The following RIMKLB variants were observed in gnomAD, a reference collection of about 807,000 sequenced individuals.
RIMKLB encodes the protein ribosomal modification protein rimK like family member B.
Under a neutral mutation model 32.0 loss-of-function variants are expected in RIMKLB, and 7 were observed. That is an observed-to-expected ratio of 0.22 (90% CI 0.12 to 0.41). RIMKLB has a LOEUF of 0.41. Ranked by LOEUF, RIMKLB falls within the 10% of genes least tolerant of loss-of-function variation. RIMKLB has a pLI of 1.00. For synonymous variants in RIMKLB, 172 were observed against 185.1 expected, an observed-to-expected ratio of 0.93 and a Z score of 0.57; for missense variants, 289 against 498.7, an observed-to-expected ratio of 0.58 and a Z score of 4.00.
chr12:8,776,073 T>C lies in RIMKLB; in HGVS notation c.*2289T>C. 2 of 979,530 alleles carry C rather than the reference T, an allele frequency of 2.0e-6. No individual in the cohort carries two copies. The highest frequency in any genetic ancestry group is 2.4e-6 in the Non-Finnish European group (2 of 824,536). The allele number at this position is 979,530 out of a possible 1,614,324, so 60.7% of individuals were successfully genotyped here. On this transcript the variant is annotated 3_prime_UTR_variant, in exon 6 of 6. Coordinates refer to ENST00000535829, the MANE Select transcript of RIMKLB (RefSeq NM_001297776.2). ...GACCATCTGGTTGCCATGTGTATTA[T>C]GACACATACACTTTGAATAGTTACA...
intron 5 of RIMKLB, 103 bp from the exon 6 acceptor site, chr12:8,773,218 T>A: frequency 1.3e-6 from 1 of 792,256 alleles, no homozygotes; most frequent in Non-Finnish European, 2.1e-6. Flanking sequence ...CGCCTTTGTT[T>A]TCACTATTAA....
chr12:8,765,502 A>G (rs777887544), intron 5 of RIMKLB, among the ~76,000 whole-genome samples: 2 of 152,280 alleles, frequency 1.3e-5, no homozygotes, highest in East Asian at 1.9e-4. Flanking sequence ...GTAACATTAT[A>G]TCTCTCCATG....
intron 2 of RIMKLB, chr12:8,742,784 G>T: frequency 9.0e-6 from 2 of 221,172 alleles, no homozygotes; most frequent in South Asian, 7.4e-5. Context: ...AGCTTTCCAG[G>T]AGCTGTGCCT....
At chr12:8,749,251 A>G (rs1948423300) in intron 2 of RIMKLB, among the ~76,000 whole-genome samples, 1 of 147,342 alleles carries the variant, frequency 6.8e-6, no homozygotes, top group South Asian at 2.1e-4. Context: ...TCTCTGTGTC[A>G]CCAGGCTGGA....
chr12:8,685,440 T>G (rs975959232), intron 1 of RIMKLB, among the ~76,000 whole-genome samples: 1 of 152,222 alleles, frequency 6.6e-6, no homozygotes, highest in Admixed American at 6.5e-5. Context: ...CAGCATCTAT[T>G]GGTATGATCA....
intron 2 of RIMKLB, among the ~76,000 whole-genome samples, chr12:8,732,915 A>G (rs1417828839): frequency 6.6e-6 from 1 of 152,186 alleles, no homozygotes; most frequent in African/African-American, 2.4e-5. Context: ...TAGTTGAGGT[A>G]TAATTCATAC....
intron 2 of RIMKLB, among the ~76,000 whole-genome samples, chr12:8,716,725 CTTTTTTTTTTT>C (rs71451981): frequency 2.9e-4 from 28 of 95,160 alleles, no homozygotes; most frequent in Non-Finnish European, 4.5e-4. Flanking sequence ...TCTTTTCCTT[CTTTTTTTTTTT>C]TTTTTTTTTT....
downstream of RIMKLB, among the ~76,000 whole-genome samples, chr12:8,781,895 G>GT (rs1951081950): frequency 6.6e-6 from 1 of 151,624 alleles, no homozygotes; most frequent in African/African-American, 2.4e-5. Flanking sequence ...ATGCAGACCT[G>GT]TTTATTCACC....
intron 2 of RIMKLB, among the ~76,000 whole-genome samples, chr12:8,732,932 C>A (rs765630663): frequency 6.6e-6 from 1 of 152,236 alleles, no homozygotes; most frequent in South Asian, 2.1e-4. Context: ...ATACAATATA[C>A]CGCATAGGTC....
chr12:8,777,215 CTTTTTTTTTTTTT>C (rs35828763), downstream of RIMKLB: 13 of 703,902 alleles, frequency 1.8e-5, no homozygotes, highest in South Asian at 7.0e-5. Context: ...TGCTTGCTTT[CTTTTTTTTTTTTT>C]TTTTTTTTTT....
chr12:8,771,043 C>T (rs1950356564), intron 5 of RIMKLB, among the ~76,000 whole-genome samples: 1 of 152,122 alleles, frequency 6.6e-6, no homozygotes, highest in African/African-American at 2.4e-5. Flanking sequence ...GCTTCCATGC[C>T]CTCCCACGGC....
chr12:8,764,932 G>GC (rs762699389), intron 5 of RIMKLB, among the ~76,000 whole-genome samples: 120 of 150,584 alleles, frequency 8.0e-4, no homozygotes, highest in African/African-American at 2.8e-3. Context: ...CATGACTAAA[G>GC]CAGTGGCCTT....
intron 1 of RIMKLB, among the ~76,000 whole-genome samples, chr12:8,703,992 T>C (rs1943634072): frequency 6.6e-6 from 1 of 152,244 alleles, no homozygotes; most frequent in African/African-American, 2.4e-5. Context: ...GGGTCTACTA[T>C]TGTGATATCT....
At chr12:8,778,516 A>G (rs1950864634), downstream of RIMKLB, among the ~76,000 whole-genome samples, 1 of 152,204 alleles carries the variant, frequency 6.6e-6, no homozygotes. Flanking sequence ...AACAGATAGG[A>G]GGACATTTCT....
downstream of RIMKLB, chr12:8,779,866 C>G (rs1950931510): frequency 6.6e-6 from 1 of 151,858 alleles, no homozygotes; most frequent in Non-Finnish European, 1.5e-5. Context: ...ATTTGTCATT[C>G]TGTCTCCCCT....
chr12:8,734,113 G>C (rs1045891959), intron 2 of RIMKLB, among the ~76,000 whole-genome samples: 2 of 152,170 alleles, frequency 1.3e-5, no homozygotes, highest in Non-Finnish European at 2.9e-5. Flanking sequence ...TAAGGCAAAG[G>C]AATGGTGAAG....
chr12:8,701,140 T>G (rs1472701348), intron 1 of RIMKLB, among the ~76,000 whole-genome samples: 8 of 152,200 alleles, frequency 5.3e-5, no homozygotes, highest in African/African-American at 1.9e-4. Context: ...GAAAAAAGTA[T>G]TATTTTTAAA....
At chr12:8,756,227 A>G (rs1442515938) in intron 5 of RIMKLB, among the ~76,000 whole-genome samples, 1 of 151,930 alleles carries the variant, frequency 6.6e-6, no homozygotes, top group African/African-American at 2.4e-5. Flanking sequence ...AAGCTAAGGC[A>G]GAAAGATTGC....
At chr12:8,699,827 C>T (rs1467848586) in intron 1 of RIMKLB, 1 of 152,248 alleles carries the variant, frequency 6.6e-6, no homozygotes, top group Admixed American at 6.5e-5. Context: ...GTCTGTGATT[C>T]TGAGAACAGA....
Sources: allele counts gnomAD v4.1 joint callset (sites outside exome capture counted in the v4.1 genomes callset), GRCh38; gene constraint gnomAD v4.1.1; transcripts MANE v1.5; gene names NCBI Gene and HGNC (gene_info 2026-07-23, HGNC 2026-07-21).